The following DAB1 variants were observed in gnomAD, a reference collection of about 807,000 sequenced individuals.
The protein encoded by DAB1 is DAB adaptor protein 1.
Under a neutral mutation model 64.6 loss-of-function variants are expected in DAB1, and 15 were observed. The observed-to-expected ratio is 0.23, with a 90% CI of 0.16 to 0.36. The LOEUF (loss-of-function observed/expected upper bound fraction) is 0.36. Ranked by LOEUF, DAB1 falls within the 10% of genes least tolerant of loss-of-function variation. The pLI is 1.00. For missense variants in DAB1, 596 were observed against 706.7 expected, an observed-to-expected ratio of 0.84 and a Z score of 1.78; for synonymous variants, 235 against 251.9, an observed-to-expected ratio of 0.93 and a Z score of 0.64.
At chr1:58,499,314 C>CAAA (rs58217798) in intron 3 of DAB1, among the ~76,000 whole-genome samples, 379 of 68,788 alleles carry the variant, frequency 5.5e-3, no homozygotes, top group East Asian at 0.012. Context: ...CACATCTCTA[C>CAAA]AAAAAAAAAA....
At chr1:57,536,355 C>T (rs1644727821) in intron 7 of DAB1, among the ~76,000 whole-genome samples, 1 of 152,204 alleles carries the variant, frequency 6.6e-6, no homozygotes, top group Admixed American at 6.5e-5. Flanking sequence ...CAGATGGGAT[C>T]ATTCGAATCA....
intron 1 of DAB1, among the ~76,000 whole-genome samples, chr1:57,306,325 G>A (rs1674166850): frequency 1.3e-5 from 2 of 152,078 alleles, no homozygotes; most frequent in South Asian, 4.1e-4. Flanking sequence ...AGGCATAGAT[G>A]GTCTTCTATT....
At chr1:57,838,723 T>C (rs1403194190) in intron 1 of DAB1, among the ~76,000 whole-genome samples, 1 of 152,016 alleles carries the variant, frequency 6.6e-6, no homozygotes, top group Non-Finnish European at 1.5e-5. Flanking sequence ...AACTGGCTCA[T>C]TGCAGAGACT....
chr1:57,292,129 A>T (rs1227260921), intron 1 of DAB1, among the ~76,000 whole-genome samples: 1 of 152,328 alleles, frequency 6.6e-6, no homozygotes, highest in South Asian at 2.1e-4. Context: ...TGTGCAGCCA[A>T]TTCTTAGTTC....
At chr1:58,056,393 C>G (rs551040957) in intron 5 of DAB1, 1 of 1,574,150 alleles carries the variant, frequency 6.4e-7, no homozygotes, top group East Asian at 2.2e-5. Context: ...TCCTTGGGCA[C>G]GCATCGGGCA....
intron 1 of DAB1, among the ~76,000 whole-genome samples, chr1:57,298,081 T>C (rs941515011): frequency 6.6e-6 from 1 of 152,170 alleles, no homozygotes; most frequent in Non-Finnish European, 1.5e-5. Flanking sequence ...ATTATCTCCC[T>C]CTCCATTCCT....
chr1:57,704,878 T>TTCCTTCC (rs374859083), intron 6 of DAB1, among the ~76,000 whole-genome samples: 2,330 of 146,356 alleles, frequency 0.016, 95 homozygotes, highest in African/African-American at 0.054. Flanking sequence ...GGAAATTTCT[T>TTCCTTCC]TTCCTTCCTT....
chr1:57,074,769 G>C (rs768169536), intron 4 of DAB1, among the ~76,000 whole-genome samples: 1 of 152,130 alleles, frequency 6.6e-6, no homozygotes, highest in African/African-American at 2.4e-5. Context: ...GCAATAAAAC[G>C]AATGTATAAG....
chr1:57,706,538 C>T (rs760847410), intron 6 of DAB1, among the ~76,000 whole-genome samples: 11 of 151,946 alleles, frequency 7.2e-5, no homozygotes, highest in Non-Finnish European at 1.0e-4. Flanking sequence ...AGGCTGGTCT[C>T]GAATTCCTGC....
At chr1:57,219,213 T>G (rs906006311) in intron 2 of DAB1, among the ~76,000 whole-genome samples, 4 of 151,990 alleles carry the variant, frequency 2.6e-5, no homozygotes, top group African/African-American at 9.7e-5. Context: ...AAGAATAGTT[T>G]TTAAAATATT....
At chr1:57,092,988 T>A (rs1355004497) in intron 4 of DAB1, among the ~76,000 whole-genome samples, 1 of 152,292 alleles carries the variant, frequency 6.6e-6, no homozygotes, top group African/African-American at 2.4e-5. Flanking sequence ...GAGGGGTCTT[T>A]ACTCATGTCA....
At chr1:58,460,434 T>C (rs1479714801) in intron 3 of DAB1, among the ~76,000 whole-genome samples, 1 of 152,202 alleles carries the variant, frequency 6.6e-6, no homozygotes, top group African/African-American at 2.4e-5. Context: ...GAAACACTTC[T>C]ACGGAGAAAC....
chr1:57,782,116 C>T (rs1488096376), intron 6 of DAB1, among the ~76,000 whole-genome samples: 2 of 152,076 alleles, frequency 1.3e-5, no homozygotes, highest in Non-Finnish European at 2.9e-5. Context: ...ATTTTTACCA[C>T]CTTGAGGTTA....
chr1:57,694,960 A>C (rs1480924238), intron 6 of DAB1, among the ~76,000 whole-genome samples: 2 of 152,114 alleles, frequency 1.3e-5, no homozygotes, highest in Non-Finnish European at 2.9e-5. Flanking sequence ...AAAATCCCTT[A>C]ATTCCAACAA....
At chr1:57,489,292 T>C (rs17115867) in intron 7 of DAB1, among the ~76,000 whole-genome samples, 3,037 of 152,294 alleles carry the variant, frequency 0.02, 84 homozygotes, top group East Asian at 0.14. Flanking sequence ...TTTAAATACA[T>C]GAATGAGAAA....
chr1:58,054,326 C>T (rs537421034), intron 5 of DAB1, among the ~76,000 whole-genome samples: 2 of 152,320 alleles, frequency 1.3e-5, no homozygotes, highest in South Asian at 4.1e-4. Flanking sequence ...GTTCTTTCTA[C>T]TCCTCCATCT....
chr1:58,312,768 C>T (rs182724111), intron 4 of DAB1, among the ~76,000 whole-genome samples: 1 of 152,214 alleles, frequency 6.6e-6, no homozygotes, highest in African/African-American at 2.4e-5. Flanking sequence ...GTTCAGATCC[C>T]AGCTGTACTC....
intron 4 of DAB1, among the ~76,000 whole-genome samples, chr1:58,203,374 C>T (rs1658101515): frequency 6.6e-6 from 1 of 152,174 alleles, no homozygotes; most frequent in South Asian, 2.1e-4. Context: ...AGACAACACC[C>T]TCATATTTCT....
chr1:57,670,874 C>A (rs1646502663), intron 6 of DAB1, among the ~76,000 whole-genome samples: 1 of 152,094 alleles, frequency 6.6e-6, no homozygotes, highest in African/African-American at 2.4e-5. Context: ...GTTCCAGGAT[C>A]TCCCATGGAT....
Sources: gnomAD v4.1 joint callset for allele counts (sites outside exome capture counted in the v4.1 genomes callset) on GRCh38, gnomAD v4.1.1 for gene constraint, MANE v1.5 for transcripts, NCBI Gene and HGNC (gene_info 2026-07-23, HGNC 2026-07-21) for gene names.